LOXHD1: variants seen among roughly 807,000 people sequenced by gnomAD.
LOXHD1 encodes lipoxygenase homology domain-containing protein 1.
In LOXHD1, 205 loss-of-function variants were observed where a neutral mutation model predicts 248.2. The ratio of observed to expected loss-of-function variants is 0.83; its 90% CI spans 0.74 to 0.93. The LOEUF (loss-of-function observed/expected upper bound fraction) is 0.93, where lower values mean the gene tolerates loss of function less well. LOXHD1 is among the 40% of genes least tolerant of loss of function. LOXHD1 has a pLI of 0.00. For synonymous variants in LOXHD1, 1,113 were observed against 1,162.8 expected (o/e 0.96, Z 0.87); for missense variants, 2,930 against 2,971.6 (o/e 0.99, Z 0.33).
intron 4 of LOXHD1, among the ~76,000 whole-genome samples, chr18:46,633,178 GA>G (rs752530986): frequency 6.6e-6 from 1 of 152,106 alleles, no homozygotes; most frequent in Admixed American, 6.5e-5. Flanking sequence ...AAATAATCTT[GA>G]AAAAGAACAA....
At chr18:46,587,684 G>C (rs143682249) in intron 12 of LOXHD1, among the ~76,000 whole-genome samples, 1 of 152,210 alleles carries the variant, frequency 6.6e-6, no homozygotes, top group East Asian at 1.9e-4. Flanking sequence ...TCTGATTAAC[G>C]AGAAGCTACG....
At chr18:46,641,433 G>C (rs1024206504) in intron 3 of LOXHD1, among the ~76,000 whole-genome samples, 3 of 152,200 alleles carry the variant, frequency 2.0e-5, no homozygotes, top group African/African-American at 7.2e-5. Context: ...CCCCCAGAGA[G>C]GGCAAGACTG....
At chr18:46,542,032 G>T (rs2036583532) in intron 24 of LOXHD1, 92 bp from the exon 25 acceptor site, 1 of 1,269,188 alleles carries the variant, frequency 7.9e-7, no homozygotes, top group East Asian at 2.6e-5. Flanking sequence ...TCCTTCCTTA[G>T]GTGGCTGGCT....
intron 4 of LOXHD1, among the ~76,000 whole-genome samples, chr18:46,637,174 A>G (rs76087275): frequency 1.5e-5 from 2 of 130,022 alleles, no homozygotes; most frequent in East Asian, 5.3e-4. Flanking sequence ...CAAACAAACA[A>G]ACAGAAAAAA....
Position 46,569,644 on chromosome 18 carries a change from C to T in LOXHD1, c.2048-6G>A, listed in dbSNP as rs983264170. On this transcript the variant is annotated splice_polypyrimidine_tract_variant and splice_region_variant and intron_variant, in intron 15 of 40. Transcript: ENST00000642948. ...GCTGATGTGATAGCGAAAGTCTGAA[C>T]AGCCCAAGGCAGAGGGAGGAAGGGA... 6.5e-7 allele frequency: 1 copy of T among 1,544,600 alleles called. No individual in the cohort carries two copies.
chr18:46,581,269 C>G (rs994583662), intron 12 of LOXHD1, among the ~76,000 whole-genome samples: 1 of 152,068 alleles, frequency 6.6e-6, no homozygotes, highest in East Asian at 1.9e-4. Context: ...GATGCTAAGT[C>G]TAAAATGTAC....
chr18:46,577,807 G>C lies in LOXHD1; in HGVS notation c.1870C>G (p.His624Asp). The change falls in exon 14 of 41, where the codon CAC (histidine) becomes GAC (aspartate). Residue 624 changes from histidine (H) to aspartate (D), a missense_variant. By Grantham distance (81) the His-to-Asp change is moderately conservative. Coordinates refer to ENST00000642948, the MANE Select transcript of LOXHD1 (RefSeq NM_001384474.1). ...MRNVRRVRIR[H>D]DGKGSGSGWY... ...CCGCTGCCGGAGCCTTTGCCATCGT[G>C]TCTGATCCTCACCCGCCTCACATTC... The C allele has an allele frequency of 1.9e-6, 3 of 1,551,636 alleles. No individual in the cohort carries two copies. The highest frequency in any genetic ancestry group is 2.6e-6 in the Non-Finnish European group (3 of 1,146,994).
chr18:46,561,164 G>C lies in LOXHD1; in HGVS notation c.2599-619C>G, dbSNP rs1432582156. On this transcript the variant is annotated intron_variant, in intron 18 of 40. Coordinates refer to ENST00000642948, the MANE Select transcript of LOXHD1 (RefSeq NM_001384474.1). ...AACCCTGAGCACATGGCCTCAGCCT[G>C]ACTGCCCCTTCCCCAAGAGCAGAGA... Among the ~76,000 whole-genome samples the C allele has an allele frequency of 2.6e-5, 4 of 152,166 alleles. No individual in the cohort carries two copies. In the East Asian group the frequency reaches 7.7e-4, roughly 29 times the overall value.
rs115767331 is a variant in LOXHD1, at chr18:46,636,046, T to C, written c.511+3570A>G. On this transcript the variant is annotated intron_variant, in intron 4 of 40. Coordinates refer to ENST00000642948, the MANE Select transcript of LOXHD1 (RefSeq NM_001384474.1). ...AAATGTAGCGATTTCCACCAACAAA[T>C]TGAGAAGGACTAAGAAATTGAACTT... Among the ~76,000 whole-genome samples the C allele has an allele frequency of 5.7e-3, 867 of 152,246 alleles. 8 individuals carry two copies. Among genetic ancestry groups the C allele is most frequent in the African/African-American group, 0.02 (812 of 41,546 alleles).
chr18:46,485,624 C>T (rs1253298484), intron 38 of LOXHD1, among the ~76,000 whole-genome samples: 1 of 152,274 alleles, frequency 6.6e-6, no homozygotes, highest in East Asian at 1.9e-4. Context: ...TTCACTCAAT[C>T]GTGTCTGCAC....
At chr18:46,489,768 T>C (rs114137353) in intron 37 of LOXHD1, among the ~76,000 whole-genome samples, 248 of 152,342 alleles carry the variant, frequency 1.6e-3, no homozygotes, top group African/African-American at 5.8e-3. Flanking sequence ...CTCCAGGCCA[T>C]GAGCTCTTGA....
chr18:46,626,172 G>A (rs2038739678), intron 4 of LOXHD1, among the ~76,000 whole-genome samples: 1 of 152,038 alleles, frequency 6.6e-6, no homozygotes, highest in Admixed American at 6.6e-5. Flanking sequence ...CAAAAAATAG[G>A]GAACAACCTA....
chr18:46,587,513 G>C (rs1274577392), intron 12 of LOXHD1, among the ~76,000 whole-genome samples: 1 of 152,138 alleles, frequency 6.6e-6, no homozygotes, highest in African/African-American at 2.4e-5. Flanking sequence ...TTCTCTCTAG[G>C]AGCCCCTCTG....
chr18:46,610,540 AAGAG>A (rs1158884351), intron 6 of LOXHD1, among the ~76,000 whole-genome samples: 3 of 151,636 alleles, frequency 2.0e-5, no homozygotes, highest in South Asian at 2.1e-4. Context: ...CTAAAAAGAA[AAGAG>A]AGAGAGAGAG....
chr18:46,557,200 C>T (rs1028267329), intron 21 of LOXHD1, among the ~76,000 whole-genome samples, 156 bp downstream of exon 21: 1 of 147,082 alleles, frequency 6.8e-6, no homozygotes, highest in Non-Finnish European at 1.5e-5. Flanking sequence ...TTGGATGTCA[C>T]GGCCAGTACA....
rs150095081 is a variant in LOXHD1, at chr18:46,534,417, C to T, written c.4130G>A (p.Arg1377Gln). The change falls in exon 27 of 41, where the codon CGG becomes CAG. Residue 1377 changes from arginine (R) to glutamine (Q), a missense_variant. Coordinates refer to ENST00000642948, the MANE Select transcript of LOXHD1 (RefSeq NM_001384474.1). ...EDVGEIIEKIRIGHNNTGMNP... is the reference protein window; with the variant it reads ...EDVGEIIEKIQIGHNNTGMNP... The stretch of plus-strand genomic sequence containing the variant: ...CATGCCCGTGTTATTATGGCCAATC[C>T]GAATTTTTTCAATGATTTCTCCCAC... 1.3e-4 allele frequency: 199 copies of T among 1,551,626 alleles called. No homozygotes were observed. In the African/African-American group the frequency reaches 1.9e-3, roughly 15 times the overall value.
chr18:46,526,496 T>C (rs2035836856), intron 29 of LOXHD1, among the ~76,000 whole-genome samples: 1 of 152,218 alleles, frequency 6.6e-6, no homozygotes, highest in Admixed American at 6.5e-5. Context: ...TGGGTGCATG[T>C]ACATGTAAGC....
At chr18:46,642,399 TGGA>T (rs2038974196) in intron 2 of LOXHD1, among the ~76,000 whole-genome samples, 1 of 152,118 alleles carries the variant, frequency 6.6e-6, no homozygotes, top group South Asian at 2.1e-4. Context: ...GTTGGGTGGA[TGGA>T]GGAGGAAGGA....
chr18:46,589,038 C>T (rs1428304274), intron 12 of LOXHD1, among the ~76,000 whole-genome samples: 4 of 152,074 alleles, frequency 2.6e-5, no homozygotes, highest in African/African-American at 4.8e-5. Context: ...TGGGCATGGA[C>T]CAACAAAGTG....
Sources: allele counts gnomAD v4.1 joint callset (sites outside exome capture counted in the v4.1 genomes callset), GRCh38; gene constraint gnomAD v4.1.1; transcripts MANE v1.5; gene names NCBI Gene and HGNC (gene_info 2026-07-23, HGNC 2026-07-21).